The following NOP9 variants were observed in gnomAD, a reference collection of about 807,000 sequenced individuals.
NOP9 encodes nucleolar protein 9.
NOP9 carries 50 observed loss-of-function variants against 63.0 expected under a neutral mutation model. That is an observed-to-expected ratio of 0.79 (90% CI 0.63 to 1.00). The LOEUF (loss-of-function observed/expected upper bound fraction) is 1.00, where lower values mean the gene tolerates loss of function less well. NOP9 is among the 50% of genes least tolerant of loss of function. The pLI is 0.00. For missense variants in NOP9, 758 were observed against 803.0 expected, an observed-to-expected ratio of 0.94 and a Z score of 0.68; for synonymous variants, 343 against 332.8, an observed-to-expected ratio of 1.03 and a Z score of -0.33.
chr14:24,284,822 C>A, the NOP9 span, among the ~76,000 whole-genome samples: 2 of 152,108 alleles, frequency 1.3e-5, no homozygotes, highest in Non-Finnish European at 2.9e-5. Flanking sequence ...CAGCCGCCTG[C>A]CTGGGTTTGT....
chr14:24,278,618 T>A, the NOP9 span, among the ~76,000 whole-genome samples: 3 of 152,092 alleles, frequency 2.0e-5, no homozygotes, highest in East Asian at 5.8e-4. Context: ...TGCACAAGAG[T>A]GAGATACGTG....
the NOP9 span, among the ~76,000 whole-genome samples, chr14:24,278,179 T>C: frequency 3.9e-5 from 6 of 152,180 alleles, no homozygotes; most frequent in African/African-American, 1.4e-4. Context: ...TGAAGTCACA[T>C]ACCCGGAGGT....
chr14:24,287,634 ACTT>A, the NOP9 span, among the ~76,000 whole-genome samples: 2 of 152,128 alleles, frequency 1.3e-5, no homozygotes, highest in Non-Finnish European at 2.9e-5. Context: ...GCCACATCAA[ACTT>A]CTAGCTGTTC....
At chr14:24,300,327 C>A in intron 1 of NOP9, 81 bp from the exon 2 acceptor site, 1 of 1,550,706 alleles carries the variant, frequency 6.4e-7, no homozygotes, top group Non-Finnish European at 8.8e-7. Context: ...GGCCTCCGAC[C>A]CACGACCCTT....
At chr14:24,295,711 C>T, upstream of NOP9, among the ~76,000 whole-genome samples, 1 of 152,206 alleles carries the variant, frequency 6.6e-6, no homozygotes, top group Non-Finnish European at 1.5e-5. Flanking sequence ...TGCCTTTGGC[C>T]TCACCATCCT....
rs764766425 is a variant in NOP9, at chr14:24,305,964, G to A, written c.*869G>A. 6 of 1,613,754 alleles carry A rather than the reference G, an allele frequency of 3.7e-6. No individual in the cohort carries two copies. The South Asian group carries it at 6.6e-5, about 18-fold the overall frequency. ...TTTCTGACCTGAGTACTTTCTTTGG[G>A]CCAAGTCCTTGAAAGTCACAACTCA... On this transcript the variant is annotated 3_prime_UTR_variant, in exon 10 of 10. Coordinates refer to ENST00000267425, the MANE Select transcript of NOP9 (RefSeq NM_174913.3).
chr14:24,294,712 A>G, the NOP9 span: 5 of 152,260 alleles, frequency 3.3e-5, no homozygotes, highest in Admixed American at 3.3e-4. Flanking sequence ...CATTTGTTTC[A>G]CAGTGATCTC....
the NOP9 span, among the ~76,000 whole-genome samples, chr14:24,272,307 C>T: frequency 6.6e-6 from 1 of 152,248 alleles, no homozygotes; most frequent in African/African-American, 2.4e-5. Flanking sequence ...CATATTCAAA[C>T]ACCTGTTGGA....
At chr14:24,296,788 G>A (rs2295305), upstream of NOP9, 95 of 1,614,120 alleles carry the variant, frequency 5.9e-5, no homozygotes, top group East Asian at 1.9e-3. Context: ...CGCCCTTGCT[G>A]TTCCCGATCC....
Position 24,303,000 on chromosome 14 carries a change from T to C in NOP9, c.1144-74T>C, listed in dbSNP as rs1032856450. On this transcript the variant is annotated intron_variant, in intron 5 of 9. Transcript: ENST00000267425. ...TATCTAGCATTTTTAGTTGTTTTCG[T>C]TGGGAAGATTTCTCTGAATAATGTG... The C allele has an allele frequency of 5.5e-6, 8 of 1,450,430 alleles. No individual in the cohort carries two copies. The African/African-American group carries it at 1.0e-4, about 19-fold the overall frequency. The allele number at this position is 1,450,430 out of a possible 1,614,324, so 89.8% of individuals were successfully genotyped here.
In NOP9 at chr14:24,306,164, A is replaced by G. The variant is rs772912573; in HGVS notation, c.*1069A>G. The G allele has an allele frequency of 1.2e-6, 2 of 1,604,138 alleles. No homozygotes were observed. Among genetic ancestry groups the G allele is most frequent in the South Asian group, 2.2e-5 (2 of 90,248 alleles). On this transcript the variant is annotated 3_prime_UTR_variant, in exon 10 of 10. Transcript: ENST00000267425. ...TGTAGGACACCCTTGTCAGTGCAGTAGATCCTCATACCAGACACCCACCAC... is the reference window on the plus strand; with the variant it reads ...TGTAGGACACCCTTGTCAGTGCAGTGGATCCTCATACCAGACACCCACCAC...
the NOP9 span, among the ~76,000 whole-genome samples, chr14:24,276,988 C>T: frequency 1.4e-4 from 21 of 152,168 alleles, no homozygotes; most frequent in Non-Finnish European, 2.8e-4. Context: ...AAAACCCCCT[C>T]TTCAGGGATG....
At chr14:24,301,911 C>G in intron 3 of NOP9, 54 bp from the exon 4 acceptor site, 1 of 1,574,620 alleles carries the variant, frequency 6.4e-7, no homozygotes. Context: ...TTTGAGGTTA[C>G]GCAGGTTGTC....
In NOP9 at chr14:24,307,623, T is replaced by G. The variant is rs1594629639; in HGVS notation, c.*2528T>G. 7.2e-7 allele frequency: 1 copy of G among 1,381,420 alleles called. No individual in the cohort carries two copies. Among genetic ancestry groups the G allele is most frequent in the Admixed American group, 1.9e-5 (1 of 51,314 alleles). 85.6% of individuals were successfully genotyped at this position (1,381,420 alleles called of 1,614,324 possible). ...AGGGCTAGGGAGGGAGAGATCTAGGTTTATCGATTAGGGATGAGGGAGAGA... is the reference window on the plus strand; with the variant it reads ...AGGGCTAGGGAGGGAGAGATCTAGGGTTATCGATTAGGGATGAGGGAGAGA... On this transcript the variant is annotated 3_prime_UTR_variant, in exon 10 of 10. Coordinates refer to ENST00000267425, the MANE Select transcript of NOP9 (RefSeq NM_174913.3).
At chr14:24,285,823 T>C in the NOP9 span, among the ~76,000 whole-genome samples, 1 of 152,022 alleles carries the variant, frequency 6.6e-6, no homozygotes, top group Non-Finnish European at 1.5e-5. Flanking sequence ...ACCCGGTCTC[T>C]ACTAAAATAC....
chr14:24,296,416 G>A (rs2295307), upstream of NOP9: 553,491 of 1,225,152 alleles, frequency 0.45, 132,484 homozygotes, highest in Middle Eastern at 0.52. Flanking sequence ...GGGGGAGGCC[G>A]GAGGGAAAAG....
upstream of NOP9, chr14:24,297,031 C>T (rs939126693): frequency 9.6e-7 from 1 of 1,038,518 alleles, no homozygotes; most frequent in African/African-American, 1.6e-5. Context: ...ACGCTGCCCT[C>T]TGGTGTCTGT....
At chr14:24,291,249 A>G in the NOP9 span, 9 of 1,608,780 alleles carry the variant, frequency 5.6e-6, no homozygotes, top group Non-Finnish European at 6.8e-6. Flanking sequence ...TGGAGATGGC[A>G]GGCAGGGGAG....
At chr14:24,304,724 G>A (rs2041447668) in intron 9 of NOP9, 126 bp downstream of exon 9, 5 of 914,178 alleles carry the variant, frequency 5.5e-6, no homozygotes, top group Non-Finnish European at 4.8e-6. Context: ...TTGCTCATGG[G>A]TTCTTAGCAG....
Sources: gnomAD v4.1 joint callset for allele counts (sites outside exome capture counted in the v4.1 genomes callset) on GRCh38, gnomAD v4.1.1 for gene constraint, MANE v1.5 for transcripts, NCBI Gene and HGNC (gene_info 2026-07-23, HGNC 2026-07-21) for gene names.